The following RABGAP1L variants were observed in gnomAD, a reference collection of about 807,000 sequenced individuals.
RABGAP1L encodes rab GTPase-activating protein 1-like.
RABGAP1L carries 63 observed loss-of-function variants against 137.7 expected under a neutral mutation model. The ratio of observed to expected loss-of-function variants is 0.46; its 90% CI spans 0.37 to 0.56. The LOEUF (loss-of-function observed/expected upper bound fraction) is 0.56. RABGAP1L is among the 20% of genes least tolerant of loss of function. The probability of loss-of-function intolerance (pLI) is 0.00; values close to 1 mark genes in which losing one functional copy is unlikely to be tolerated. For synonymous variants in RABGAP1L, 431 were observed against 433.7 expected, an observed-to-expected ratio of 0.99 and a Z score of 0.08; for missense variants, 1,095 against 1,244.0, an observed-to-expected ratio of 0.88 and a Z score of 1.80.
chr1:174,163,478 A>C (rs1456942372), intron 1 of RABGAP1L, among the ~76,000 whole-genome samples: 1 of 152,078 alleles, frequency 6.6e-6, no homozygotes, highest in African/African-American at 2.4e-5. Context: ...TTTTCCTGGG[A>C]AAGTTCTAGG....
chr1:174,516,416 C>A (rs1660140894), intron 13 of RABGAP1L, among the ~76,000 whole-genome samples: 1 of 152,082 alleles, frequency 6.6e-6, no homozygotes, highest in South Asian at 2.1e-4. Context: ...TGGGGGTCTT[C>A]CTATGTTGTC....
At position 174,758,904 on chromosome 1, in the gene RABGAP1L, G is replaced by A. The variant is rs574195765; in HGVS notation, c.2211+6550G>A. Among the ~76,000 whole-genome samples, 20 of 152,224 alleles carry A rather than the reference G, an allele frequency of 1.3e-4. No homozygotes were observed. The East Asian group carries it at 3.9e-3, about 29-fold the overall frequency. On this transcript the variant is annotated intron_variant, in intron 18 of 25. Transcript: ENST00000681986. ...AGCTGCTCAAACCAGAAACCTAGAA[G>A]TTATCCTTAACTCTCTTCTCAATAT...
chr1:174,896,695 G>T (rs955762954), intron 19 of RABGAP1L, among the ~76,000 whole-genome samples: 12 of 152,116 alleles, frequency 7.9e-5, no homozygotes, highest in African/African-American at 2.9e-4. Flanking sequence ...ATTAAATAGG[G>T]AATCCTTTCC....
intron 1 of RABGAP1L, among the ~76,000 whole-genome samples, chr1:174,180,730 G>A (rs983889043): frequency 6.6e-6 from 1 of 152,142 alleles, no homozygotes; most frequent in African/African-American, 2.4e-5. Flanking sequence ...GCCTCCCAAA[G>A]TGCTAGGATT....
chr1:174,423,826 T>A (rs1263471428), intron 13 of RABGAP1L, among the ~76,000 whole-genome samples: 1 of 152,128 alleles, frequency 6.6e-6, no homozygotes, highest in Non-Finnish European at 1.5e-5. Flanking sequence ...TGTAGGTAAT[T>A]TAAGTACAGA....
At chr1:174,589,426 C>T (rs1572419562) in intron 13 of RABGAP1L, among the ~76,000 whole-genome samples, 1 of 152,086 alleles carries the variant, frequency 6.6e-6, no homozygotes, top group African/African-American at 2.4e-5. Flanking sequence ...TGATCATTTC[C>T]TTTGCTGTGA....
At chr1:174,462,377 A>C (rs961937444) in intron 13 of RABGAP1L, among the ~76,000 whole-genome samples, 2 of 152,186 alleles carry the variant, frequency 1.3e-5, no homozygotes, top group Non-Finnish European at 2.9e-5. Context: ...TTCTCCATAT[A>C]TGTACAATGG....
intron 1 of RABGAP1L, among the ~76,000 whole-genome samples, chr1:174,201,297 A>G (rs1401047805): frequency 2.0e-5 from 3 of 150,712 alleles, no homozygotes; most frequent in Non-Finnish European, 4.4e-5. Flanking sequence ...GTCTTACTCA[A>G]GTGATTCTCC....
intron 19 of RABGAP1L, among the ~76,000 whole-genome samples, chr1:174,884,207 C>G (rs1394404554): frequency 6.6e-6 from 1 of 152,170 alleles, no homozygotes; most frequent in Non-Finnish European, 1.5e-5. Context: ...AGCACTGTGC[C>G]AGCAAAGGAA....
chr1:174,335,761 T>C (rs1681415737), intron 11 of RABGAP1L, among the ~76,000 whole-genome samples: 1 of 152,246 alleles, frequency 6.6e-6, no homozygotes, highest in Non-Finnish European at 1.5e-5. Flanking sequence ...TACATTGTGC[T>C]ATCCTAAAGG....
intron 13 of RABGAP1L, among the ~76,000 whole-genome samples, chr1:174,551,112 G>C (rs1033468795): frequency 4.0e-5 from 6 of 148,672 alleles, no homozygotes; most frequent in Non-Finnish European, 8.9e-5. Context: ...GGGAGGCTGA[G>C]GGAGGAGAAT....
At chr1:174,919,258 T>C (rs925773675) in intron 19 of RABGAP1L, among the ~76,000 whole-genome samples, 1 of 152,110 alleles carries the variant, frequency 6.6e-6, no homozygotes, top group Non-Finnish European at 1.5e-5. Flanking sequence ...CCTCAGGCGA[T>C]CCGCCCGCCT....
At chr1:174,600,884 G>T (rs1047079841) in intron 13 of RABGAP1L, among the ~76,000 whole-genome samples, 3 of 152,314 alleles carry the variant, frequency 2.0e-5, no homozygotes, top group Admixed American at 1.3e-4. Context: ...CCCCCTGTGG[G>T]CACTGCCTGT....
At chr1:174,332,024 G>T (rs59649440) in intron 11 of RABGAP1L, among the ~76,000 whole-genome samples, 1 of 151,892 alleles carries the variant, frequency 6.6e-6, no homozygotes, top group Admixed American at 6.6e-5. Context: ...CAAATTTCAT[G>T]GATTGACTTT....
intron 15 of RABGAP1L, among the ~76,000 whole-genome samples, chr1:174,689,347 C>CAT (rs888291661): frequency 1.3e-5 from 2 of 151,348 alleles, no homozygotes; most frequent in Non-Finnish European, 1.5e-5. Context: ...ATATTTATAA[C>CAT]ATATATATAT....
chr1:174,509,474 G>T (rs1338163387), intron 13 of RABGAP1L, among the ~76,000 whole-genome samples: 2 of 151,838 alleles, frequency 1.3e-5, no homozygotes, highest in African/African-American at 4.8e-5. Context: ...GAGATTGCTG[G>T]ATTTTTTTTA....
intron 10 of RABGAP1L, among the ~76,000 whole-genome samples, chr1:174,294,290 TAATG>T (rs1676897104): frequency 6.6e-6 from 1 of 152,178 alleles, no homozygotes; most frequent in South Asian, 2.1e-4. Context: ...ATAAATGAAT[TAATG>T]AATCAATGAA....
intron 13 of RABGAP1L, among the ~76,000 whole-genome samples, chr1:174,452,076 A>C (rs1655512465): frequency 6.6e-6 from 1 of 152,118 alleles, no homozygotes. Context: ...ATCATATTTT[A>C]ATGTGTTTGT....
chr1:174,627,042 CAG>C (rs936132544), intron 13 of RABGAP1L, among the ~76,000 whole-genome samples: 10 of 152,122 alleles, frequency 6.6e-5, no homozygotes, highest in Non-Finnish European at 1.5e-4. Flanking sequence ...ATGGCACTAA[CAG>C]ATTGGTACGG....
Sources: gnomAD v4.1 joint callset for allele counts (sites outside exome capture counted in the v4.1 genomes callset) on GRCh38, gnomAD v4.1.1 for gene constraint, MANE v1.5 for transcripts, NCBI Gene and HGNC (gene_info 2026-07-23, HGNC 2026-07-21) for gene names.